The following CCM2 variants were observed in gnomAD, a reference collection of about 807,000 sequenced individuals.
CCM2 encodes CCM2 scaffold protein, also known as cerebral cavernous malformations 2 protein.
A neutral mutation model predicts 44.9 loss-of-function variants in CCM2; 25 were observed. The ratio of observed to expected loss-of-function variants is 0.56; its 90% CI spans 0.41 to 0.78. The LOEUF is 0.78. Ranked by LOEUF, CCM2 falls within the 30% of genes least tolerant of loss-of-function variation. The probability of loss-of-function intolerance (pLI) is 0.00; values close to 1 mark genes in which losing one functional copy is unlikely to be tolerated. For synonymous variants in CCM2, 219 were observed against 241.1 expected (o/e 0.91, Z 0.85); for missense variants, 481 against 580.6 (o/e 0.83, Z 1.76).
intron 2 of CCM2, among the ~76,000 whole-genome samples, chr7:45,060,004 A>C (rs2128745049): frequency 6.6e-6 from 1 of 152,328 alleles, no homozygotes; most frequent in South Asian, 2.1e-4. Flanking sequence ...AGAGCAATTA[A>C]AATAAGAAAA....
At chr7:45,016,173 T>C (rs1014795305) in intron 1 of CCM2, among the ~76,000 whole-genome samples, 1 of 152,154 alleles carries the variant, frequency 6.6e-6, no homozygotes, top group African/African-American at 2.4e-5. Flanking sequence ...GCCTGAAAGG[T>C]AGGCACTTCA....
Position 45,064,624 on chromosome 7 carries a change from A to C in CCM2, c.450A>C (p.Ala150=). The C allele has an allele frequency of 6.2e-7, 1 of 1,613,942 alleles. No homozygotes were observed. ...TCTCCTATGTTCGGGATGACGCTGC[A>C]CACCTGGTGGTCCTGAAGACAGGTA... ...AAVSYVRDDA[A]HLVVLKTAQD... is the part of the protein sequence containing the mutation. Residue 150 remains alanine, a synonymous_variant, in exon 4 of 10, where the codon GCA becomes GCC. Transcript: ENST00000258781.
chr7:45,055,802 C>A (rs1798231432), intron 2 of CCM2, among the ~76,000 whole-genome samples: 1 of 152,184 alleles, frequency 6.6e-6, no homozygotes, highest in African/African-American at 2.4e-5. Context: ...TCCCACCAGC[C>A]CTTACTGAAA....
intron 6 of CCM2, chr7:45,072,232 G>A (rs1393879399): frequency 6.1e-6 from 2 of 328,854 alleles, no homozygotes; most frequent in East Asian, 1.6e-4. Context: ...TGAGGGTCTT[G>A]GGAATCCTGT....
At chr7:45,010,522 ATAT>A (rs1562857635) in intron 1 of CCM2, among the ~76,000 whole-genome samples, 2 of 152,112 alleles carry the variant, frequency 1.3e-5, no homozygotes, top group African/African-American at 4.8e-5. Flanking sequence ...TTGCTGAGTA[ATAT>A]TTTGTTGTAT....
At chr7:45,072,596 T>C in intron 6 of CCM2, 130 bp from the exon 7 acceptor site, 2 of 752,638 alleles carry the variant, frequency 2.7e-6, no homozygotes, top group Non-Finnish European at 4.7e-6. Context: ...GGCAGCTTGA[T>C]GAAGGACAGC....
chr7:45,071,320 A>G (rs1799060432), intron 6 of CCM2: 1 of 152,934 alleles, frequency 6.5e-6, no homozygotes, highest in East Asian at 1.9e-4. Flanking sequence ...TGAGAAGTAC[A>G]CAAGTCATAC....
intron 1 of CCM2, among the ~76,000 whole-genome samples, chr7:45,026,803 G>A (rs544724926): frequency 6.6e-6 from 1 of 151,942 alleles, no homozygotes; most frequent in South Asian, 2.1e-4. Context: ...GGGTTTCACC[G>A]TGTTGGCCAG....
intron 1 of CCM2, among the ~76,000 whole-genome samples, chr7:45,017,442 C>T (rs1323342635): frequency 6.6e-6 from 1 of 152,164 alleles, no homozygotes; most frequent in Non-Finnish European, 1.5e-5. Flanking sequence ...AACAGGAGGT[C>T]AGTTGGCATC....
Position 45,056,495 on chromosome 7 carries a change from T to C in CCM2, c.205-7423T>C, listed in dbSNP as rs1483202287. On this transcript the variant is annotated intron_variant, in intron 2 of 9. Transcript: ENST00000258781. ...CATAGTGAGACCCCACCCCCGTCAC[T>C]ATTAAAAGAAAAAAGTAGCCATCCT... is the stretch of plus-strand genomic sequence containing the variant. Among the ~76,000 whole-genome samples, 10 of 152,304 alleles carry C rather than the reference T, an allele frequency of 6.6e-5. No individual in the cohort carries two copies. In the East Asian group the frequency reaches 1.9e-3, roughly 29 times the overall value.
At chr7:45,003,730 A>C (rs1444820166) in intron 1 of CCM2, among the ~76,000 whole-genome samples, 1 of 7,308 alleles carries the variant, frequency 1.4e-4, no homozygotes, top group African/African-American at 5.1e-4. Flanking sequence ...TCCATCTCCA[A>C]AAAAAAAAAA....
intron 8 of CCM2, chr7:45,073,954 A>G (rs1799215718): frequency 1.9e-6 from 1 of 533,680 alleles, no homozygotes; most frequent in South Asian, 2.1e-5. Context: ...TGTGTAGCCT[A>G]AGGGCACAGG....
chr7:45,068,359 T>G, intron 4 of CCM2, 84 bp from the exon 5 acceptor site: 7 of 1,583,072 alleles, frequency 4.4e-6, no homozygotes, highest in Non-Finnish European at 6.1e-6. Flanking sequence ...TCAGCCTGTT[T>G]CCATGGCGGC....
Position 45,038,309 on chromosome 7 carries a change from T to C in CCM2, c.87T>C (p.Asp29=). 6.2e-7 allele frequency: 1 copy of C among 1,614,086 alleles called. No individual in the cohort carries two copies. Among genetic ancestry groups the C allele is most frequent in the Non-Finnish European group, 8.5e-7 (1 of 1,180,026 alleles). Residue 29 remains aspartate, a synonymous_variant, in exon 2 of 10, where the codon GAT becomes GAC. Coordinates refer to ENST00000258781, the MANE Select transcript of CCM2 (RefSeq NM_031443.4). Reference sequence around the variant, plus strand: ...TCCTAAAAGGTGAAAAGAGTAGAGATAAGAAAGCCCATGAGAAGGTGACAG... The same window carrying C: ...TCCTAAAAGGTGAAAAGAGTAGAGACAAGAAAGCCCATGAGAAGGTGACAG... ...RVFLKGEKSR[D]KKAHEKVTER...
chr7:45,053,074 G>A (rs1162810309), intron 2 of CCM2, among the ~76,000 whole-genome samples: 1 of 152,206 alleles, frequency 6.6e-6, no homozygotes, highest in Non-Finnish European at 1.5e-5. Context: ...ACCTGGCTGG[G>A]CTTCATGTAT....
intron 2 of CCM2, among the ~76,000 whole-genome samples, chr7:45,048,431 GCTTA>G (rs1797856896): frequency 6.6e-6 from 1 of 152,188 alleles, no homozygotes; most frequent in African/African-American, 2.4e-5. Flanking sequence ...GTTTTGGAAT[GCTTA>G]CTGTGTGCAG....
chr7:45,054,552 T>G (rs75702155), intron 2 of CCM2, among the ~76,000 whole-genome samples: 1,702 of 152,114 alleles, frequency 0.011, 28 homozygotes, highest in African/African-American at 0.038. Flanking sequence ...TAGAGCCAAC[T>G]CCCCTACCCC....
Position 45,073,492 on chromosome 7 carries a change from C to T in CCM2, c.836C>T (p.Ala279Val), listed in dbSNP as rs1170930678. Residue 279 changes from alanine to valine, a missense_variant, in exon 8 of 10, where the codon GCA becomes GTA. By Grantham distance (64) the Ala-to-Val change is moderately conservative. Coordinates refer to ENST00000258781, the MANE Select transcript of CCM2 (RefSeq NM_031443.4). ...CFPESVDVGG[A>V]SPHSKTISES... The stretch of plus-strand genomic sequence containing the variant: ...CCTGAATCTGTGGATGTGGGTGGTG[C>T]ATCACCCCACAGCAAGACCATCAGT... 1.2e-6 allele frequency: 2 copies of T among 1,613,256 alleles called. No homozygotes were observed. The highest frequency in any genetic ancestry group is 1.1e-5 in the South Asian group (1 of 91,078).
At chr7:45,049,525 A>G (rs1205803434) in intron 2 of CCM2, among the ~76,000 whole-genome samples, 1 of 152,218 alleles carries the variant, frequency 6.6e-6, no homozygotes, top group Non-Finnish European at 1.5e-5. Flanking sequence ...ACATTAGCAC[A>G]CATAAAACTG....
Sources: allele counts gnomAD v4.1 joint callset (sites outside exome capture counted in the v4.1 genomes callset), GRCh38; gene constraint gnomAD v4.1.1; transcripts MANE v1.5; gene names NCBI Gene and HGNC (gene_info 2026-07-23, HGNC 2026-07-21).